TEK: variants seen among roughly 807,000 people sequenced by gnomAD.
TEK encodes the protein TEK receptor tyrosine kinase.
TEK carries 43 observed loss-of-function variants against 131.8 expected under a neutral mutation model. The observed-to-expected ratio is 0.33, with a 90% CI of 0.26 to 0.42. The LOEUF (loss-of-function observed/expected upper bound fraction) is 0.42, where lower values mean the gene tolerates loss of function less well. Among genes scored for constraint, TEK ranks in the 10% least tolerant of loss-of-function variants. The pLI, the probability that TEK is intolerant of heterozygous loss-of-function variation, is 1.00. For synonymous variants in TEK, 580 were observed against 491.6 expected, an observed-to-expected ratio of 1.18 and a Z score of -2.38; for missense variants, 1,162 against 1,384.4, an observed-to-expected ratio of 0.84 and a Z score of 2.55.
rs116163111 is a variant in TEK at position 27,115,684 on chromosome 9, T to C, written c.52+6042T>C. On this transcript the variant is annotated intron_variant, in intron 1 of 22. Coordinates refer to ENST00000380036, the MANE Select transcript of TEK (RefSeq NM_000459.5). ...TATTGCCAAAAGTCAGGTCCAGTTA[T>C]AGTTATAACTTGCTCATAGCCAAAT... Among the ~76,000 whole-genome samples the C allele has an allele frequency of 7.4e-3, 1,130 of 152,298 alleles. 15 individuals carry two copies. Among genetic ancestry groups the C allele is most frequent in the African/African-American group, 0.026 (1,064 of 41,550 alleles).
At chr9:27,147,021 G>A (rs1057279974) in intron 1 of TEK, among the ~76,000 whole-genome samples, 2 of 152,144 alleles carry the variant, frequency 1.3e-5, no homozygotes, top group Non-Finnish European at 2.9e-5. Context: ...GAGACACTGC[G>A]CCCGGCCAAC....
In TEK at chr9:27,183,591, C is replaced by T. The variant is rs979217618; in HGVS notation, c.1163C>T (p.Pro388Leu). ...PTNEEMTLVK[P>L]DGTVLHPKDF... ...AATGAAGAAATGACCCTGGTGAAGC[C>T]GGATGGGACAGTGCTCCATGTAAGA... is the stretch of plus-strand genomic sequence containing the variant. Residue 388 changes from proline to leucine, a missense_variant, in exon 8 of 23, where the codon CCG becomes CTG. By Grantham distance (98) the Pro-to-Leu change is moderately conservative. Around this residue, in one of 6 missense-constraint regions of TEK, gnomAD observed 436 missense variants for 539.1 expected, o/e 0.81. Coordinates refer to ENST00000380036, the MANE Select transcript of TEK (RefSeq NM_000459.5). 13 of 1,613,876 alleles carry T rather than the reference C, an allele frequency of 8.1e-6. No homozygotes were observed. Among genetic ancestry groups the T allele is most frequent in the East Asian group, 2.2e-5 (1 of 44,888 alleles).
intron 12 of TEK, among the ~76,000 whole-genome samples, chr9:27,200,107 G>A (rs1825165677): frequency 6.6e-6 from 1 of 152,088 alleles, no homozygotes; most frequent in Admixed American, 6.6e-5. Flanking sequence ...GCCACGTATT[G>A]AGTAGTCCCC....
At chr9:27,172,240 C>T (rs73427105) in intron 4 of TEK, among the ~76,000 whole-genome samples, 1,588 of 152,248 alleles carry the variant, frequency 0.01, 25 homozygotes, top group African/African-American at 0.036. Flanking sequence ...GTAACCATAC[C>T]TGCAGCTCCC....
rs1661463566 is a variant in TEK at position 27,169,512 on chromosome 9, C to T, written c.511C>T (p.Pro171Ser). 8 of 1,614,100 alleles carry T rather than the reference C, an allele frequency of 5.0e-6. No homozygotes were observed. The highest frequency in any genetic ancestry group is 6.8e-6 in the Non-Finnish European group (8 of 1,179,966). ...FIHSVPRHEV[P>S]DILEVHLPHA... is the part of the protein sequence containing the mutation. Reference sequence around the variant, plus strand: ...CCATTCAGTGCCCCGGCATGAAGTACCTGATATTCTAGAAGTACACCTGCC... The same window carrying T: ...CCATTCAGTGCCCCGGCATGAAGTATCTGATATTCTAGAAGTACACCTGCC... Residue 171 changes from proline to serine, a missense_variant, in exon 4 of 23, where the codon CCT becomes TCT. Physicochemically the swap from Pro to Ser is moderately conservative, Grantham distance 74. Around this residue, in one of 6 missense-constraint regions of TEK, gnomAD observed 436 missense variants for 539.1 expected, o/e 0.81. Transcript: ENST00000380036.
intron 1 of TEK, among the ~76,000 whole-genome samples, chr9:27,144,954 A>G (rs1822859919): frequency 6.6e-6 from 1 of 152,232 alleles, no homozygotes; most frequent in Admixed American, 6.5e-5. Context: ...ACAGAATTCC[A>G]CAAGACAGTG....
rs867115288 is a variant in TEK, at chr9:27,217,845, G to T, written c.3062+87G>T. The T allele has an allele frequency of 3.3e-6, 4 of 1,209,814 alleles. No individual in the cohort carries two copies. The African/African-American group carries it at 6.0e-5, about 18-fold the overall frequency. 74.9% of individuals were successfully genotyped at this position (1,209,814 alleles called of 1,614,324 possible). On this transcript the variant is annotated intron_variant, in intron 19 of 22. Transcript: ENST00000380036. ...AGAGGTTTTAAAAAGATACAGGAAT[G>T]TCCTGTAGCTCTCGGGAACAAAGGT...
chr9:27,213,682 C>T, intron 18 of TEK, 85 bp downstream of exon 18: 1 of 977,962 alleles, frequency 1.0e-6, no homozygotes, highest in Middle Eastern at 2.1e-4. Flanking sequence ...TGTCAGTGCT[C>T]TGTGGTGACT....
chr9:27,212,601 T>G, intron 16 of TEK, 106 bp from the exon 17 acceptor site: 2 of 1,266,740 alleles, frequency 1.6e-6, no homozygotes, highest in Middle Eastern at 1.8e-4. Flanking sequence ...GCTAGATGTG[T>G]TTTTTAGACA....
intron 2 of TEK, among the ~76,000 whole-genome samples, chr9:27,164,406 G>A (rs1464105761): frequency 1.3e-5 from 2 of 149,402 alleles, no homozygotes; most frequent in East Asian, 2.0e-4. Context: ...TGCAAGCTCC[G>A]CCTCCTGGGT....
At chr9:27,176,269 T>C (rs113865415) in intron 6 of TEK, among the ~76,000 whole-genome samples, 1,916 of 152,252 alleles carry the variant, frequency 0.013, 11 homozygotes, top group Middle Eastern at 0.024. Flanking sequence ...ATAATAGAAA[T>C]TTTTGAAGCA....
intron 8 of TEK, among the ~76,000 whole-genome samples, chr9:27,184,358 A>C (rs1281057589): frequency 2.0e-5 from 3 of 152,182 alleles, no homozygotes; most frequent in African/African-American, 7.2e-5. Context: ...GTTGAAAGTG[A>C]TCCTTAGGAT....
intron 1 of TEK, among the ~76,000 whole-genome samples, chr9:27,138,627 G>A (rs1564054025): frequency 6.6e-6 from 1 of 152,176 alleles, no homozygotes; most frequent in Non-Finnish European, 1.5e-5. Context: ...TCAGTAGTAA[G>A]CAAAGTATTT....
chr9:27,206,967 T>A (rs1825421120), intron 15 of TEK, among the ~76,000 whole-genome samples, 175 bp downstream of exon 15: 1 of 152,268 alleles, frequency 6.6e-6, no homozygotes, highest in South Asian at 2.1e-4. Context: ...AGTCAGGATA[T>A]CAATACAAAG....
rs1826475260 is a variant in TEK at position 27,229,428 on chromosome 9, C to A, written c.*196C>A. On this transcript the variant is annotated 3_prime_UTR_variant, in exon 23 of 23. Transcript: ENST00000380036. ...TCTGACTCTAATAGGACTGTATATA[C>A]TGTTTTAAGAATGGGCTGAAATCAG... The A allele has an allele frequency of 1.6e-6, 1 of 620,286 alleles. No individual in the cohort carries two copies. The highest frequency in any genetic ancestry group is 2.9e-6 in the Non-Finnish European group (1 of 344,288). 38.4% of individuals were successfully genotyped at this position (620,286 alleles called of 1,614,324 possible).
At chr9:27,223,284 C>T (rs1469957262) in intron 21 of TEK, among the ~76,000 whole-genome samples, 2 of 152,062 alleles carry the variant, frequency 1.3e-5, no homozygotes, top group Non-Finnish European at 1.5e-5. Flanking sequence ...ACCTAATAGA[C>T]ATCTACAGAA....
chr9:27,179,794 ACT>A (rs1824294265), intron 6 of TEK, among the ~76,000 whole-genome samples: 1 of 151,942 alleles, frequency 6.6e-6, no homozygotes. Flanking sequence ...GGTTTTCCTG[ACT>A]CTGTCTCTGA....
chr9:27,169,769 T>C (rs976520547), intron 4 of TEK, 140 bp downstream of exon 4: 5 of 1,203,800 alleles, frequency 4.2e-6, no homozygotes, highest in Admixed American at 1.9e-5. Flanking sequence ...TCTGTTCTTA[T>C]GCTGCAAAGC....
At chr9:27,140,391 A>T (rs1244376216) in intron 1 of TEK, among the ~76,000 whole-genome samples, 1 of 136,874 alleles carries the variant, frequency 7.3e-6, no homozygotes, top group African/African-American at 2.6e-5. Context: ...TACATTAGCA[A>T]AAAAGAAAAA....
Sources: allele counts gnomAD v4.1 joint callset (sites outside exome capture counted in the v4.1 genomes callset), GRCh38; gene constraint gnomAD v4.1.1; regional missense constraint gnomAD v4.1.1; transcripts MANE v1.5; gene names NCBI Gene and HGNC (gene_info 2026-07-23, HGNC 2026-07-21).